Variants in PIWIL3 observed in about 807,000 individuals in gnomAD.
The protein encoded by PIWIL3 is piwi like RNA-mediated gene silencing 3.
In PIWIL3, 101 loss-of-function variants were observed where a neutral mutation model predicts 109.7. That is an observed-to-expected ratio of 0.92 (90% CI 0.78 to 1.09). The LOEUF (loss-of-function observed/expected upper bound fraction) is 1.09. PIWIL3 is among the 50% of genes least tolerant of loss of function. PIWIL3 has a pLI of 0.00. For synonymous variants in PIWIL3, 373 were observed against 376.4 expected (o/e 0.99, Z 0.10); for missense variants, 1,031 against 1,072.6 (o/e 0.96, Z 0.54).
intron 2 of PIWIL3, chr22:24,761,751 T>C (rs371570963): frequency 6.2e-6 from 1 of 161,070 alleles, no homozygotes; most frequent in Non-Finnish European, 1.3e-5. Flanking sequence ...TCTCATTGGA[T>C]GCTTTGTCTG....
chr22:24,765,984 C>A (rs1292083820), intron 1 of PIWIL3, among the ~76,000 whole-genome samples: 2 of 151,206 alleles, frequency 1.3e-5, no homozygotes, highest in Non-Finnish European at 2.9e-5. Context: ...CTATTTTTAT[C>A]ATGAATTCCC....
intron 3 of PIWIL3, among the ~76,000 whole-genome samples, chr22:24,759,130 G>A (rs1601848406): frequency 6.6e-6 from 1 of 152,210 alleles, no homozygotes. Context: ...CTGGCCTCAA[G>A]TGATCCACCC....
At chr22:24,723,379 C>T (rs1922793513) in intron 18 of PIWIL3, 124 bp from the exon 19 acceptor site, 4 of 991,642 alleles carry the variant, frequency 4.0e-6, no homozygotes, top group Non-Finnish European at 5.9e-6. Flanking sequence ...GCCCTCCTTA[C>T]ACCCTAATTT....
chr22:24,723,383 C>G lies in PIWIL3; in HGVS notation c.2232-128G>C, dbSNP rs1922793990. ...AACAGACAGCAGCCCTCCTTACACCCTAATTTTACTGTCTAAGCTCCATGT... is the reference window on the plus strand; with the variant it reads ...AACAGACAGCAGCCCTCCTTACACCGTAATTTTACTGTCTAAGCTCCATGT... On this transcript the variant is annotated intron_variant, in intron 18 of 20. Coordinates refer to ENST00000616349, the MANE Select transcript of PIWIL3 (RefSeq NM_001255975.1). The G allele has an allele frequency of 1.4e-5, 13 of 923,572 alleles. No individual in the cohort carries two copies. In the South Asian group the frequency reaches 2.0e-4, roughly 14 times the overall value. The allele number at this position is 923,572 out of a possible 1,614,324, so 57.2% of individuals were successfully genotyped here. A position where few individuals can be genotyped will look rare whatever the true frequency, so the allele number is the denominator to read the frequency against.
At chr22:24,743,099 A>T (rs1368271092) in intron 12 of PIWIL3, among the ~76,000 whole-genome samples, 1 of 152,188 alleles carries the variant, frequency 6.6e-6, no homozygotes, top group African/African-American at 2.4e-5. Flanking sequence ...TTCTCAAAGG[A>T]TATACAAATG....
At chr22:24,762,013 A>T (rs562580085) in intron 2 of PIWIL3, 375 of 1,000,210 alleles carry the variant, frequency 3.7e-4, no homozygotes, top group Non-Finnish European at 4.4e-4. Context: ...AAAACAGGGC[A>T]GGCATAACAA....
At chr22:24,730,552 G>A (rs1484510042) in intron 14 of PIWIL3, among the ~76,000 whole-genome samples, 1 of 152,068 alleles carries the variant, frequency 6.6e-6, no homozygotes, top group Non-Finnish European at 1.5e-5. Context: ...TGGTGAAGGA[G>A]AAAAAGAATA....
intron 1 of PIWIL3, among the ~76,000 whole-genome samples, chr22:24,773,100 G>A (rs1306519588): frequency 2.0e-5 from 3 of 152,300 alleles, no homozygotes; most frequent in Non-Finnish European, 4.4e-5. Context: ...AAAGCTGTGT[G>A]CCAGGGCATA....
chr22:24,735,640 T>C (rs1292143777), intron 13 of PIWIL3, 68 bp downstream of exon 13: 2 of 1,404,652 alleles, frequency 1.4e-6, no homozygotes, highest in African/African-American at 2.9e-5. Context: ...TACAATTTAA[T>C]ATTTTAGTTA....
Position 24,728,450 on chromosome 22 carries a change from G to A in PIWIL3, c.1708-76C>T, listed in dbSNP as rs372058668. On this transcript the variant is annotated intron_variant, in intron 14 of 20. Coordinates refer to ENST00000616349, the MANE Select transcript of PIWIL3 (RefSeq NM_001255975.1). ...AGGAAAGAAAAACCATCTGGAGCAGGCAACTTAGGTGGAAGACTAACAAGC... is the reference window on the plus strand; with the variant it reads ...AGGAAAGAAAAACCATCTGGAGCAGACAACTTAGGTGGAAGACTAACAAGC... The A allele has an allele frequency of 6.4e-6, 10 of 1,564,864 alleles. No individual in the cohort carries two copies. The African/African-American group carries it at 1.2e-4, about 19-fold the overall frequency.
chr22:24,761,736 G>A (rs2147718935), intron 2 of PIWIL3: 1 of 156,274 alleles, frequency 6.4e-6, no homozygotes, highest in Non-Finnish European at 1.4e-5. Context: ...GGGAGCCACT[G>A]ACACTCTCAT....
intron 14 of PIWIL3, among the ~76,000 whole-genome samples, chr22:24,729,620 ATAAT>A (rs1252761066): frequency 2.0e-5 from 3 of 152,218 alleles, no homozygotes; most frequent in Non-Finnish European, 4.4e-5. Flanking sequence ...GCTTGGGAAA[ATAAT>A]TATTAAGTTA....
chr22:24,724,451 T>C (rs1381370037), intron 18 of PIWIL3, among the ~76,000 whole-genome samples: 1 of 151,530 alleles, frequency 6.6e-6, no homozygotes, highest in Admixed American at 6.6e-5. Context: ...TTTTTTTTTT[T>C]GAGACGGCGT....
intron 1 of PIWIL3, among the ~76,000 whole-genome samples, chr22:24,768,521 G>C (rs535090831): frequency 6.6e-6 from 1 of 152,200 alleles, no homozygotes; most frequent in Non-Finnish European, 1.5e-5. Context: ...CAAAATGCTG[G>C]GATTACAGGC....
chr22:24,725,321 C>T, intron 17 of PIWIL3, 124 bp downstream of exon 17: 2 of 1,204,526 alleles, frequency 1.7e-6, no homozygotes, highest in Non-Finnish European at 2.3e-6. Flanking sequence ...AGCACCTCCA[C>T]CCCAGTTGTG....
intron 1 of PIWIL3, among the ~76,000 whole-genome samples, chr22:24,766,212 C>G (rs537984592): frequency 4.6e-5 from 7 of 152,130 alleles, no homozygotes; most frequent in Admixed American, 3.9e-4. Context: ...GTCTTGAGCT[C>G]CTGAGCTCAA....
At chr22:24,769,382 G>A (rs1601856859) in intron 1 of PIWIL3, among the ~76,000 whole-genome samples, 1 of 152,186 alleles carries the variant, frequency 6.6e-6, no homozygotes, top group Middle Eastern at 3.2e-3. Context: ...GGAGGCCGAG[G>A]CGGGTGGATC....
intron 14 of PIWIL3, among the ~76,000 whole-genome samples, chr22:24,733,144 G>A (rs1923453078): frequency 6.6e-6 from 1 of 152,076 alleles, no homozygotes; most frequent in African/African-American, 2.4e-5. Flanking sequence ...GTTCCCTAGG[G>A]GCAATTAAAA....
chr22:24,753,964 G>C (rs758589876), intron 8 of PIWIL3, 50 bp downstream of exon 8: 3 of 1,468,544 alleles, frequency 2.0e-6, no homozygotes, highest in Non-Finnish European at 1.9e-6. Flanking sequence ...CTTGGGGTGG[G>C]GGAAGGGGGA....
Sources: allele counts gnomAD v4.1 joint callset (sites outside exome capture counted in the v4.1 genomes callset), GRCh38; gene constraint gnomAD v4.1.1; transcripts MANE v1.5; gene names NCBI Gene and HGNC (gene_info 2026-07-23, HGNC 2026-07-21).